Variants in NPAS4 observed in about 807,000 individuals in gnomAD.
NPAS4 encodes the protein neuronal PAS domain protein 4.
A neutral mutation model predicts 64.0 loss-of-function variants in NPAS4; 10 were observed. That is an observed-to-expected ratio of 0.16 (90% confidence interval 0.10 to 0.26). NPAS4 has a LOEUF of 0.26. Among genes scored for constraint, NPAS4 ranks in the 10% least tolerant of loss-of-function variants. NPAS4 has a pLI of 1.00. For missense variants in NPAS4, 886 were observed against 992.6 expected, an observed-to-expected ratio of 0.89 and a Z score of 1.44; for synonymous variants, 441 against 411.7, an observed-to-expected ratio of 1.07 and a Z score of -0.86.
In NPAS4 at chr11:66,425,153, G is replaced by A. The variant is rs1397259525; in HGVS notation, c.2263G>A (p.Glu755Lys). Reference sequence around the variant, plus strand: ...GTCCCCAGAAGACCACAGCTTCCTGGAGGACCTGGCCACATATGAAACCGC... The same window carrying A: ...GTCCCCAGAAGACCACAGCTTCCTGAAGGACCTGGCCACATATGAAACCGC... ...NLSPEDHSFLEDLATYETAFE... is the reference protein window; with the variant it reads ...NLSPEDHSFLKDLATYETAFE... The change falls in exon 7 of 8, where the codon GAG (glutamate) becomes AAG (lysine). Residue 755 changes from glutamate (E) to lysine (K), a missense_variant. By Grantham distance (56) the Glu-to-Lys change is moderately conservative. Coordinates refer to ENST00000311034, the MANE Select transcript of NPAS4 (RefSeq NM_178864.4). 4.4e-6 allele frequency: 7 copies of A among 1,605,754 alleles called. No homozygotes were observed. The highest frequency in any genetic ancestry group is 5.9e-6 in the Non-Finnish European group (7 of 1,177,228).
the NPAS4 span, among the ~76,000 whole-genome samples, chr11:66,415,096 C>T: frequency 3.9e-5 from 6 of 152,170 alleles, no homozygotes; most frequent in African/African-American, 1.4e-4. Flanking sequence ...GACCCCCCTG[C>T]CCAAAATGCA....
In NPAS4 at chr11:66,422,044, C is replaced by T. The variant is rs553506965; in HGVS notation, c.176-76C>T. 4 of 1,350,972 alleles carry T rather than the reference C, an allele frequency of 3.0e-6. No individual in the cohort carries two copies. In the South Asian group the frequency reaches 3.6e-5, roughly 12 times the overall value. The allele number at this position is 1,350,972 out of a possible 1,614,324, so 83.7% of individuals were successfully genotyped here. On this transcript the variant is annotated intron_variant, in intron 1 of 7. Coordinates refer to ENST00000311034, the MANE Select transcript of NPAS4 (RefSeq NM_178864.4). The stretch of plus-strand genomic sequence containing the variant: ...AGAAATTCCTCTGGATTCTCTGAAA[C>T]TCAGACCATGCCTTCCTCACTTCTT...
chr11:66,416,285 G>A (rs895475905), upstream of NPAS4, among the ~76,000 whole-genome samples: 1 of 152,204 alleles, frequency 6.6e-6, no homozygotes, highest in African/African-American at 2.4e-5. Context: ...AGAAAGGAAG[G>A]TGTCTCTCTC....
chr11:66,424,012 C>A lies in NPAS4; in HGVS notation c.1122C>A (p.Ser374Arg), dbSNP rs747017370. 6.2e-7 allele frequency: 1 copy of A among 1,614,114 alleles called. No individual in the cohort carries two copies. The highest frequency in any genetic ancestry group is 1.7e-5 in the Admixed American group (1 of 60,022). The change falls in exon 7 of 8, where the codon AGC becomes AGA. Residue 374 changes from serine to arginine, a missense_variant. This residue lies in a region of NPAS4 where 820 missense variants were observed against 855.5 expected (regional missense o/e 0.96). Transcript: ENST00000311034. ...TAALGAPRST[S>R]FPSAPELSVV... is the part of the protein sequence containing the mutation. Reference sequence around the variant, plus strand: ...CACTGGGGGCTCCCAGAAGCACCAGCTTCCCCAGTGCTCCTGAACTGAGTG... The same window carrying A: ...CACTGGGGGCTCCCAGAAGCACCAGATTCCCCAGTGCTCCTGAACTGAGTG...
At chr11:66,420,722 C>CGCAT (rs1259487720), upstream of NPAS4, among the ~76,000 whole-genome samples, 1 of 152,212 alleles carries the variant, frequency 6.6e-6, no homozygotes, top group Non-Finnish European at 1.5e-5. Flanking sequence ...CTCAACTGAA[C>CGCAT]GCATTCAGAC....
chr11:66,419,467 C>T (rs1324901984), upstream of NPAS4, among the ~76,000 whole-genome samples: 1 of 152,164 alleles, frequency 6.6e-6, no homozygotes, highest in Admixed American at 6.5e-5. Flanking sequence ...TCCATGCTTC[C>T]TGTGTGACTG....
chr11:66,426,322 T>G lies in NPAS4; in HGVS notation c.*333T>G. The G allele has an allele frequency of 3.8e-6, 1 of 262,420 alleles. No individual in the cohort carries two copies. The highest frequency in any genetic ancestry group is 7.5e-6 in the Non-Finnish European group (1 of 134,014). 16.3% of individuals were successfully genotyped at this position (262,420 alleles called of 1,614,324 possible). ...TTGGCCTGGGCCAGTTCTCCACTCCTAGGGGCCAAGCCACCCCTAGCCTTG... is the reference window on the plus strand; with the variant it reads ...TTGGCCTGGGCCAGTTCTCCACTCCGAGGGGCCAAGCCACCCCTAGCCTTG... On this transcript the variant is annotated 3_prime_UTR_variant, in exon 8 of 8. Coordinates refer to ENST00000311034, the MANE Select transcript of NPAS4 (RefSeq NM_178864.4).
the NPAS4 span, chr11:66,409,959 A>G: frequency 6.6e-6 from 1 of 152,270 alleles, no homozygotes; most frequent in African/African-American, 2.4e-5. Flanking sequence ...CATCGCCTCC[A>G]TTGAAGGATT....
intron 6 of NPAS4, 21 bp downstream of exon 6, chr11:66,423,734 C>G: frequency 1.2e-6 from 2 of 1,613,788 alleles, no homozygotes; most frequent in Non-Finnish European, 8.5e-7. Context: ...AGCCAGGGGA[C>G]TAGGGGGCAG....
Position 66,426,148 on chromosome 11 carries a change from G to GTT in NPAS4, c.*159_*160insTT. On this transcript the variant is annotated 3_prime_UTR_variant, in exon 8 of 8. Transcript: ENST00000311034. ...GGATTTTGGGGGGGGGGAGGTGGGA[G>GTT]GGCAAGGGAGGGGAGCTTCTTTTTA... 5.9e-6 allele frequency: 3 copies of GTT among 509,454 alleles called. No homozygotes were observed. Among genetic ancestry groups the GTT allele is most frequent in the Non-Finnish European group, 7.3e-6 (2 of 275,758 alleles). The allele number at this position is 509,454 out of a possible 1,614,324, so 31.6% of individuals were successfully genotyped here. A position where few individuals can be genotyped will look rare whatever the true frequency, so the allele number is the denominator to read the frequency against.
Position 66,424,691 on chromosome 11 carries a change from G to A in NPAS4, c.1801G>A (p.Asp601Asn), listed in dbSNP as rs1856812497. The A allele has an allele frequency of 1.2e-6, 2 of 1,613,138 alleles. No homozygotes were observed. Among genetic ancestry groups the A allele is most frequent in the Middle Eastern group, 1.6e-4 (1 of 6,084 alleles). The change falls in exon 7 of 8, where the codon GAT (aspartate) becomes AAT (asparagine). Residue 601 changes from aspartate to asparagine, a missense_variant. Asp to Asn is a conservative substitution (Grantham distance 23). Transcript: ENST00000311034. ...LAQLRGPLSVDVPLVPEGLLT... is the reference protein window; with the variant it reads ...LAQLRGPLSVNVPLVPEGLLT... ...CCAGCTCCGGGGCCCCCTCTCTGTG[G>A]ATGTCCCCCTGGTGCCCGAAGGCCT...
chr11:66,421,203 C>A lies in NPAS4; in HGVS notation c.24C>A (p.Ala8=). Residue 8 remains alanine, a synonymous_variant, in exon 1 of 8, where the codon GCC becomes GCA. Coordinates refer to ENST00000311034, the MANE Select transcript of NPAS4 (RefSeq NM_178864.4). ...TCATGTACCGCTCCACCAAGGGCGC[C>A]TCCAAGGCGCGCCGGGACCAGATCA... MYRSTKG[A]SKARRDQINA... The A allele has an allele frequency of 6.2e-7, 1 of 1,612,036 alleles. No homozygotes were observed. Among genetic ancestry groups the A allele is most frequent in the Non-Finnish European group, 8.5e-7 (1 of 1,179,202 alleles).
At chr11:66,413,239 G>A in the NPAS4 span, among the ~76,000 whole-genome samples, 148 of 152,346 alleles carry the variant, frequency 9.7e-4, no homozygotes, top group Non-Finnish European at 1.6e-3. Context: ...CTGAACTAAC[G>A]GGAAATTAGG....
intron 5 of NPAS4, 54 bp from the exon 6 acceptor site, chr11:66,423,524 A>G: frequency 1.2e-6 from 2 of 1,604,622 alleles, no homozygotes; most frequent in Non-Finnish European, 1.7e-6. Flanking sequence ...AAGGGTGGGG[A>G]GTAGGTAGAA....
chr11:66,422,301 C>T (rs1285222517), intron 2 of NPAS4, 30 bp downstream of exon 2: 6 of 1,612,010 alleles, frequency 3.7e-6, no homozygotes, highest in Non-Finnish European at 5.1e-6. Context: ...TCAGCTGAGG[C>T]TGGGCATGGA....
rs1365281996 is a variant in NPAS4 at position 66,423,690 on chromosome 11, T to C, written c.921T>C (p.Ile307=). 6.2e-7 allele frequency: 1 copy of C among 1,613,996 alleles called. No individual in the cohort carries two copies. The highest frequency in any genetic ancestry group is 8.5e-7 in the Non-Finnish European group (1 of 1,180,006). The change falls in exon 6 of 8, where the codon ATT becomes ATC. Residue 307 remains isoleucine (I), a synonymous_variant. Transcript: ENST00000311034. ...LLYSEGPEGP[I]TANNYPISDM... ...ACTCAGAAGGTCCAGAGGGACCCATTACTGCCAATAACTACCCAATCAGGT... is the reference window on the plus strand; with the variant it reads ...ACTCAGAAGGTCCAGAGGGACCCATCACTGCCAATAACTACCCAATCAGGT...
At chr11:66,420,307 G>A (rs962791088), upstream of NPAS4, among the ~76,000 whole-genome samples, 4 of 152,244 alleles carry the variant, frequency 2.6e-5, no homozygotes, top group Non-Finnish European at 5.9e-5. Context: ...GGGAAAACAG[G>A]ATCAACGCCA....
chr11:66,425,248 A>G lies in NPAS4; in HGVS notation c.2358A>G (p.Gln786=). 1 of 1,507,058 alleles carries G rather than the reference A, an allele frequency of 6.6e-7. No individual in the cohort carries two copies. The highest frequency in any genetic ancestry group is 1.4e-5 in the African/African-American group (1 of 71,378). 93.4% of individuals were successfully genotyped at this position (1,507,058 alleles called of 1,614,324 possible). The change falls in exon 7 of 8, where the codon CAA becomes CAG. Residue 786 remains glutamine, a synonymous_variant. Coordinates refer to ENST00000311034, the MANE Select transcript of NPAS4 (RefSeq NM_178864.4). ...ATGAGTTGCATCAACTCCAGAGCCA[A>G]GTTCAAGACAGCTTCCATGAAGGTG... is the stretch of plus-strand genomic sequence containing the variant. ...FTDELHQLQS[Q]VQDSFHEDGS... is the part of the protein sequence containing the mutation.
At chr11:66,420,594 G>A (rs1465290255), upstream of NPAS4, among the ~76,000 whole-genome samples, 1 of 152,236 alleles carries the variant, frequency 6.6e-6, no homozygotes, top group Admixed American at 6.5e-5. Flanking sequence ...AGACAACCCT[G>A]TTCTTCCCCA....
Sources: gnomAD v4.1 joint callset for allele counts (sites outside exome capture counted in the v4.1 genomes callset) on GRCh38, gnomAD v4.1.1 for gene constraint, gnomAD v4.1.1 regional missense constraint, MANE v1.5 for transcripts, NCBI Gene and HGNC (gene_info 2026-07-23, HGNC 2026-07-21) for gene names.